LRCH1: variants seen among roughly 807,000 people sequenced by gnomAD.
The protein encoded by LRCH1 is leucine-rich repeat and calponin homology domain-containing protein 1.
LRCH1 carries 23 observed loss-of-function variants against 94.9 expected under a neutral mutation model. The observed-to-expected ratio is 0.24, with a 90% confidence interval of 0.17 to 0.34. The LOEUF is 0.34. Among genes scored for constraint, LRCH1 ranks in the 10% least tolerant of loss-of-function variants. LRCH1 has a pLI of 1.00. For synonymous variants in LRCH1, 364 were observed against 354.9 expected, an observed-to-expected ratio of 1.03 and a Z score of -0.29; for missense variants, 790 against 945.9, an observed-to-expected ratio of 0.84 and a Z score of 2.16.
At chr13:46,632,812 A>AT (rs1260256886) in intron 1 of LRCH1, among the ~76,000 whole-genome samples, 1 of 152,272 alleles carries the variant, frequency 6.6e-6, no homozygotes, top group Non-Finnish European at 1.5e-5. Context: ...TTTTGTCTAC[A>AT]TTTAAGTCTT....
intron 19 of LRCH1, among the ~76,000 whole-genome samples, chr13:46,735,251 C>T (rs1470847934): frequency 6.6e-6 from 1 of 152,170 alleles, no homozygotes; most frequent in Non-Finnish European, 1.5e-5. Flanking sequence ...ATTGCATATA[C>T]ATTTCTTGGC....
intron 1 of LRCH1, among the ~76,000 whole-genome samples, chr13:46,623,068 T>TA (rs2050899061): frequency 6.6e-6 from 1 of 152,198 alleles, no homozygotes; most frequent in Non-Finnish European, 1.5e-5. Context: ...GATGCCAGTC[T>TA]GTCATTTGCA....
intron 3 of LRCH1, among the ~76,000 whole-genome samples, chr13:46,669,713 T>C (rs1162067354): frequency 6.6e-6 from 1 of 152,240 alleles, no homozygotes; most frequent in East Asian, 1.9e-4. Context: ...CACTGTTATA[T>C]TTCAGCTCTT....
Position 46,585,568 on chromosome 13 carries a change from A to AC in LRCH1, c.307+31865_307+31866insC, listed in dbSNP as rs1306053229. 4.6e-3 allele frequency among the ~76,000 whole-genome samples: 702 copies of AC among 151,712 alleles called. 3 individuals are homozygous for AC. Among genetic ancestry groups the AC allele is most frequent in the South Asian group, 0.015 (70 of 4,786 alleles). On this transcript the variant is annotated intron_variant, in intron 1 of 19. Transcript: ENST00000389797. ...ACTGCATCTCAAAAAAAAAAAAAAA[A>AC]AAACAAAAAAACGCATTTCTATAAC...
intron 1 of LRCH1, among the ~76,000 whole-genome samples, chr13:46,577,785 A>C (rs1254518078): frequency 6.6e-6 from 1 of 152,240 alleles, no homozygotes; most frequent in Non-Finnish European, 1.5e-5. Flanking sequence ...GAAGGAGAAA[A>C]GAGAACGAGA....
At chr13:46,585,922 C>T (rs547974800) in intron 1 of LRCH1, among the ~76,000 whole-genome samples, 6 of 152,242 alleles carry the variant, frequency 3.9e-5, no homozygotes, top group East Asian at 3.9e-4. Flanking sequence ...CAGATTTGGG[C>T]GTGCTTTTTG....
At chr13:46,729,210 C>T (rs1048157349) in intron 18 of LRCH1, among the ~76,000 whole-genome samples, 6 of 151,862 alleles carry the variant, frequency 4.0e-5, no homozygotes, top group African/African-American at 1.5e-4. Context: ...ATGACAGAAA[C>T]ATAATTTTAT....
chr13:46,685,049 G>T (rs373761914), intron 4 of LRCH1, among the ~76,000 whole-genome samples: 5 of 152,070 alleles, frequency 3.3e-5, no homozygotes, highest in African/African-American at 9.7e-5. Flanking sequence ...GTTTTAAAGC[G>T]CAATATTCCA....
chr13:46,584,154 A>G (rs1456648492), intron 1 of LRCH1, among the ~76,000 whole-genome samples: 4 of 152,202 alleles, frequency 2.6e-5, no homozygotes, highest in Admixed American at 6.5e-5. Flanking sequence ...CACTTCAATT[A>G]TAGTCCGTTC....
At chr13:46,568,878 AATTTACCT>A (rs1319178485) in intron 1 of LRCH1, among the ~76,000 whole-genome samples, 1 of 152,114 alleles carries the variant, frequency 6.6e-6, no homozygotes, top group African/African-American at 2.4e-5. Flanking sequence ...GTAGACTAAA[AATTTACCT>A]ATTTACCACT....
chr13:46,612,573 C>G (rs1340737317), intron 1 of LRCH1, among the ~76,000 whole-genome samples: 1 of 152,102 alleles, frequency 6.6e-6, no homozygotes, highest in Non-Finnish European at 1.5e-5. Flanking sequence ...TTTGAAGCAC[C>G]CCTCTTGGAA....
At chr13:46,623,480 G>A (rs1446865216) in intron 1 of LRCH1, among the ~76,000 whole-genome samples, 1 of 152,044 alleles carries the variant, frequency 6.6e-6, no homozygotes, top group African/African-American at 2.4e-5. Context: ...AGGCAAAGTG[G>A]CCAATCTCTA....
chr13:46,644,974 T>C (rs1043562450), intron 1 of LRCH1, among the ~76,000 whole-genome samples: 17 of 152,202 alleles, frequency 1.1e-4, no homozygotes, highest in Non-Finnish European at 2.5e-4. Context: ...TCTCATTCCT[T>C]GAGAGGCTCT....
downstream of LRCH1, chr13:46,745,003 T>TTATG: frequency 1.1e-5 from 8 of 710,634 alleles, no homozygotes; most frequent in Non-Finnish European, 1.2e-5. Context: ...CCATAAATAT[T>TTATG]GAATGAGCAA....
At chr13:46,574,821 GGT>G (rs779786006) in intron 1 of LRCH1, among the ~76,000 whole-genome samples, 1,862 of 134,496 alleles carry the variant, frequency 0.014, 44 homozygotes, top group African/African-American at 0.049. Flanking sequence ...TTGTGTGTGG[GGT>G]TTTTTTTTTT....
chr13:46,739,742 A>C (rs1471866482), intron 19 of LRCH1, among the ~76,000 whole-genome samples: 1 of 152,176 alleles, frequency 6.6e-6, no homozygotes, highest in Admixed American at 6.5e-5. Flanking sequence ...TTTTCTTTAG[A>C]GATTATGATT....
At chr13:46,671,160 G>A (rs1333493360) in intron 3 of LRCH1, among the ~76,000 whole-genome samples, 1 of 152,118 alleles carries the variant, frequency 6.6e-6, no homozygotes, top group Non-Finnish European at 1.5e-5. Flanking sequence ...TCACTCTTTC[G>A]TCATGGGCTG....
In LRCH1 at chr13:46,742,560, A is replaced by T; in HGVS notation, c.*712A>T. ...GGGAAGGAAGTGTCGTTGCTGTTAGAGCCTCACGTGGAGGAGTCACTTAAA... is the reference window on the plus strand; with the variant it reads ...GGGAAGGAAGTGTCGTTGCTGTTAGTGCCTCACGTGGAGGAGTCACTTAAA... On this transcript the variant is annotated 3_prime_UTR_variant, in exon 20 of 20. Coordinates refer to ENST00000389797, the MANE Select transcript of LRCH1 (RefSeq NM_001164211.2). 4 of 985,464 alleles carry T rather than the reference A, an allele frequency of 4.1e-6. No homozygotes were observed. The highest frequency in any genetic ancestry group is 4.8e-6 in the Non-Finnish European group (4 of 829,968). 61.0% of individuals were successfully genotyped at this position (985,464 alleles called of 1,614,324 possible).
chr13:46,661,699 A>C (rs963074097), intron 2 of LRCH1, among the ~76,000 whole-genome samples: 4 of 152,236 alleles, frequency 2.6e-5, no homozygotes, highest in African/African-American at 9.6e-5. Context: ...ACGTACACTA[A>C]TATCCATGCA....
Sources: gnomAD v4.1 joint callset for allele counts (sites outside exome capture counted in the v4.1 genomes callset) on GRCh38, gnomAD v4.1.1 for gene constraint, MANE v1.5 for transcripts, NCBI Gene and HGNC (gene_info 2026-07-23, HGNC 2026-07-21) for gene names.